STPG2: variants seen among roughly 807,000 people sequenced by gnomAD.
STPG2 encodes sperm-tail PG-rich repeat-containing protein 2.
A neutral mutation model predicts 54.2 loss-of-function variants in STPG2; 56 were observed. The ratio of observed to expected loss-of-function variants is 1.03; its 90% CI spans 0.83 to 1.29. STPG2 has a LOEUF of 1.29. Among genes scored for constraint, STPG2 ranks in the 50% most tolerant of loss-of-function variants. STPG2 has a pLI of 0.00. For missense variants in STPG2, 596 were observed against 544.9 expected (o/e 1.09, Z -0.93); for synonymous variants, 200 against 181.8 (o/e 1.10, Z -0.81).
At chr4:97,442,321 T>A (rs1436665669) in intron 4 of STPG2, among the ~76,000 whole-genome samples, 1 of 152,042 alleles carries the variant, frequency 6.6e-6, no homozygotes, top group Admixed American at 6.6e-5. Flanking sequence ...GCAAACATAA[T>A]TAGAGCTGAT....
At chr4:97,999,264 C>T (rs1468031902) in intron 5 of STPG2, among the ~76,000 whole-genome samples, 4 of 152,184 alleles carry the variant, frequency 2.6e-5, no homozygotes, top group African/African-American at 4.8e-5. Flanking sequence ...AACAACATAG[C>T]TTGCAAGTGG....
At chr4:97,591,942 T>G (rs1036937194) in intron 10 of STPG2, among the ~76,000 whole-genome samples, 3 of 152,148 alleles carry the variant, frequency 2.0e-5, no homozygotes, top group Admixed American at 2.0e-4. Flanking sequence ...TTTGAAAAAT[T>G]TAGAAAAATA....
chr4:97,779,387 A>G (rs1726516079), intron 9 of STPG2, among the ~76,000 whole-genome samples: 1 of 152,146 alleles, frequency 6.6e-6, no homozygotes, highest in South Asian at 2.1e-4. Flanking sequence ...AGAGAAAAAA[A>G]GGGTAAAAAG....
chr4:97,774,637 C>A (rs773680211), intron 9 of STPG2, among the ~76,000 whole-genome samples: 1 of 152,228 alleles, frequency 6.6e-6, no homozygotes, highest in Non-Finnish European at 1.5e-5. Context: ...ACTTTGTTCA[C>A]TCTAACAGTT....
chr4:97,634,326 C>T lies in STPG2; in HGVS notation c.1321-75209G>A, dbSNP rs1721421773. Among the ~76,000 whole-genome samples the T allele has an allele frequency of 1.3e-5, 2 of 152,128 alleles. 1 individual carries two copies. ...CTAACAAACAGAAAGGACATCCACA[C>T]CAAAAACCCATCTGTACATCACCAT... On this transcript the variant is annotated intron_variant, in intron 10 of 10. Transcript: ENST00000295268.
At chr4:97,876,647 TTCTACTCTA>T (rs1730181277) in intron 8 of STPG2, among the ~76,000 whole-genome samples, 1 of 152,066 alleles carries the variant, frequency 6.6e-6, no homozygotes, top group Non-Finnish European at 1.5e-5. Flanking sequence ...GCTAAGGATA[TTCTACTCTA>T]TGTAAGTTTT....
At chr4:98,096,673 G>C (rs895949505) in intron 5 of STPG2, among the ~76,000 whole-genome samples, 2 of 151,822 alleles carry the variant, frequency 1.3e-5, no homozygotes, top group African/African-American at 4.8e-5. Flanking sequence ...AAAGATTAAT[G>C]AAACAAAAAA....
intron 9 of STPG2, among the ~76,000 whole-genome samples, chr4:97,779,601 A>G (rs1223059504): frequency 1.3e-5 from 2 of 152,158 alleles, no homozygotes; most frequent in African/African-American, 4.8e-5. Context: ...ATACTCCTCA[A>G]CAAGAGCAAC....
intron 9 of STPG2, among the ~76,000 whole-genome samples, chr4:97,738,307 C>T (rs796377764): frequency 1.3e-5 from 2 of 152,090 alleles, no homozygotes; most frequent in African/African-American, 4.8e-5. Context: ...CATCAACTAA[C>T]GAGCAAAATA....
chr4:97,997,002 G>A (rs1049760409), intron 5 of STPG2, among the ~76,000 whole-genome samples: 3 of 152,234 alleles, frequency 2.0e-5, no homozygotes, highest in Non-Finnish European at 4.4e-5. Flanking sequence ...ATGTAAATTA[G>A]TTCAGCCATT....
chr4:97,523,224 G>A (rs148284315), intron 4 of STPG2, among the ~76,000 whole-genome samples: 1 of 151,782 alleles, frequency 6.6e-6, no homozygotes, highest in Non-Finnish European at 1.5e-5. Flanking sequence ...CGAGCATTTA[G>A]GAGCTTTGAT....
intron 10 of STPG2, among the ~76,000 whole-genome samples, chr4:97,586,182 AG>A (rs1367979906): frequency 6.6e-6 from 1 of 151,994 alleles, no homozygotes; most frequent in Non-Finnish European, 1.5e-5. Flanking sequence ...ATTCAGTAAT[AG>A]AAAACTCCCT....
At position 97,796,932 on chromosome 4, in the gene STPG2, T is replaced by C. The variant is rs1040241462; in HGVS notation, c.1204+43841A>G. Among the ~76,000 whole-genome samples, 5 of 152,314 alleles carry C rather than the reference T, an allele frequency of 3.3e-5. No individual in the cohort carries two copies. The East Asian group carries it at 5.8e-4, about 18-fold the overall frequency. On this transcript the variant is annotated intron_variant, in intron 9 of 10. Coordinates refer to ENST00000295268, the MANE Select transcript of STPG2 (RefSeq NM_174952.3). ...TCACATCCCTTGTAAGTTGGATTCC[T>C]AGGTATTTTATTCTCTTGGAAGCAA...
chr4:97,911,336 C>G (rs1731670884), intron 8 of STPG2, among the ~76,000 whole-genome samples: 2 of 152,220 alleles, frequency 1.3e-5, no homozygotes, highest in Non-Finnish European at 2.9e-5. Context: ...CAAGCAGGCT[C>G]GTTCAGCAGG....
chr4:97,674,596 T>C (rs1722785994), intron 10 of STPG2, among the ~76,000 whole-genome samples: 1 of 152,154 alleles, frequency 6.6e-6, no homozygotes, highest in Non-Finnish European at 1.5e-5. Context: ...CCTTAAAATA[T>C]TTTCAGAGTT....
chr4:97,904,456 A>C (rs551784032), intron 8 of STPG2, among the ~76,000 whole-genome samples: 1 of 152,346 alleles, frequency 6.6e-6, no homozygotes, highest in African/African-American at 2.4e-5. Context: ...CCATCTGTAC[A>C]TCACCATCAT....
rs557109634 is a variant in STPG2, at chr4:97,901,329, G to A, written c.1044+42568C>T. 6.6e-5 allele frequency among the ~76,000 whole-genome samples: 10 copies of A among 151,846 alleles called. No homozygotes were observed. In the East Asian group the frequency reaches 1.9e-3, roughly 29 times the overall value. ...CTTCAATCTAGTACTAGAAGTTCTAGCCAGAACAATTGGGCAAGAAAAAAA... is the reference window on the plus strand; with the variant it reads ...CTTCAATCTAGTACTAGAAGTTCTAACCAGAACAATTGGGCAAGAAAAAAA... On this transcript the variant is annotated intron_variant, in intron 8 of 10. Transcript: ENST00000295268.
intron 5 of STPG2, among the ~76,000 whole-genome samples, chr4:98,015,512 C>T (rs879693287): frequency 4.6e-5 from 7 of 152,038 alleles, no homozygotes; most frequent in Non-Finnish European, 1.0e-4. Flanking sequence ...AATGAGATAC[C>T]ATCTCATGCC....
intron 4 of STPG2, among the ~76,000 whole-genome samples, chr4:97,454,266 C>A (rs1250888288): frequency 6.6e-6 from 1 of 151,754 alleles, no homozygotes; most frequent in African/African-American, 2.4e-5. Flanking sequence ...GTAATCCCAG[C>A]ACTTTGGGAG....
Sources: allele counts gnomAD v4.1 joint callset (sites outside exome capture counted in the v4.1 genomes callset), GRCh38; gene constraint gnomAD v4.1.1; transcripts MANE v1.5; gene names NCBI Gene and HGNC (gene_info 2026-07-23, HGNC 2026-07-21).